ROBO2: variants seen among roughly 807,000 people sequenced by gnomAD.
The protein encoded by ROBO2 is roundabout homolog 2.
Under a neutral mutation model 160.8 loss-of-function variants are expected in ROBO2, and 53 were observed. That is an observed-to-expected ratio of 0.33 (90% CI 0.26 to 0.41). The LOEUF is 0.41. ROBO2 is among the 10% of genes least tolerant of loss of function. The probability of loss-of-function intolerance (pLI) is 1.00; values close to 1 mark genes in which losing one functional copy is unlikely to be tolerated. For synonymous variants in ROBO2, 664 were observed against 611.7 expected (o/e 1.09, Z -1.26); for missense variants, 1,577 against 1,722.4 (o/e 0.92, Z 1.49).
chr3:76,592,638 C>A (rs1483976798), intron 2 of ROBO2, among the ~76,000 whole-genome samples: 1 of 152,050 alleles, frequency 6.6e-6, no homozygotes, highest in African/African-American at 2.4e-5. Context: ...CAAATTACTA[C>A]CAAATTAGTG....
chr3:76,337,609 A>G (rs1358835403), intron 2 of ROBO2, among the ~76,000 whole-genome samples: 1 of 152,176 alleles, frequency 6.6e-6, no homozygotes, highest in Non-Finnish European at 1.5e-5. Flanking sequence ...CATAATTATG[A>G]CATGGAAGAA....
chr3:76,212,114 T>C (rs1301596371), intron 2 of ROBO2, among the ~76,000 whole-genome samples: 2 of 152,038 alleles, frequency 1.3e-5, no homozygotes, highest in Non-Finnish European at 1.5e-5. Flanking sequence ...ATGTATGTTC[T>C]TTAAGTAGGT....
chr3:76,176,758 A>G (rs2073248051), intron 2 of ROBO2, among the ~76,000 whole-genome samples: 1 of 152,072 alleles, frequency 6.6e-6, no homozygotes, highest in Non-Finnish European at 1.5e-5. Context: ...CTAAATAACA[A>G]TCAACAATAT....
intron 2 of ROBO2, among the ~76,000 whole-genome samples, chr3:75,966,300 A>G (rs932518521): frequency 6.6e-6 from 1 of 151,720 alleles, no homozygotes; most frequent in African/African-American, 2.4e-5. Flanking sequence ...TGCAAAAAGA[A>G]CATGAATGTG....
chr3:77,611,360 A>G (rs994608100), intron 21 of ROBO2, among the ~76,000 whole-genome samples: 6 of 152,036 alleles, frequency 3.9e-5, no homozygotes, highest in African/African-American at 7.2e-5. Flanking sequence ...TTTGAAGCCA[A>G]TTGTGAAGCC....
At chr3:76,587,087 G>A (rs1212960090) in intron 2 of ROBO2, among the ~76,000 whole-genome samples, 1 of 152,092 alleles carries the variant, frequency 6.6e-6, no homozygotes, top group East Asian at 1.9e-4. Context: ...AAGGAAGGGG[G>A]GTAGATAGAC....
At chr3:77,055,694 C>T (rs1559915565) in intron 1 of ROBO2, among the ~76,000 whole-genome samples, 1 of 152,020 alleles carries the variant, frequency 6.6e-6, no homozygotes. Flanking sequence ...GTAACAAAAC[C>T]ACATTTTTGA....
chr3:76,349,390 A>G (rs1353545849), intron 2 of ROBO2, among the ~76,000 whole-genome samples: 1 of 152,054 alleles, frequency 6.6e-6, no homozygotes, highest in East Asian at 1.9e-4. Flanking sequence ...CTTTACATAT[A>G]CTCATTTAGC....
chr3:76,030,999 G>A (rs901551634), intron 2 of ROBO2, among the ~76,000 whole-genome samples: 3 of 152,202 alleles, frequency 2.0e-5, no homozygotes, highest in African/African-American at 7.2e-5. Context: ...CTATTCGTGA[G>A]CATGGAATGT....
intron 2 of ROBO2, among the ~76,000 whole-genome samples, chr3:76,256,275 A>T (rs1225397482): frequency 7.0e-6 from 1 of 143,462 alleles, no homozygotes; most frequent in Non-Finnish European, 1.5e-5. Flanking sequence ...GTGCCACTGC[A>T]CTGCAGCCTG....
chr3:77,611,793 C>A (rs1480670370), intron 21 of ROBO2, among the ~76,000 whole-genome samples: 1 of 152,090 alleles, frequency 6.6e-6, no homozygotes, highest in African/African-American at 2.4e-5. Context: ...ACAATGATGG[C>A]AATGTTTTCT....
At chr3:76,453,015 TG>T (rs1456145132) in intron 2 of ROBO2, among the ~76,000 whole-genome samples, 1 of 152,164 alleles carries the variant, frequency 6.6e-6, no homozygotes, top group Admixed American at 6.5e-5. Flanking sequence ...CACTTTTTGA[TG>T]GGGTTGTTTG....
chr3:75,962,106 T>C (rs1242974347), intron 2 of ROBO2, among the ~76,000 whole-genome samples: 1 of 151,532 alleles, frequency 6.6e-6, no homozygotes, highest in African/African-American at 2.4e-5. Context: ...TGACTTTGAG[T>C]CTCAAAATTA....
intron 2 of ROBO2, among the ~76,000 whole-genome samples, chr3:76,437,821 A>G (rs1415504394): frequency 6.6e-6 from 1 of 152,118 alleles, no homozygotes; most frequent in Non-Finnish European, 1.5e-5. Context: ...CCCTTTTTCC[A>G]TGTCATTAGC....
At chr3:77,193,538 T>A (rs930751572) in intron 2 of ROBO2, among the ~76,000 whole-genome samples, 1 of 151,758 alleles carries the variant, frequency 6.6e-6, no homozygotes, top group Non-Finnish European at 1.5e-5. Flanking sequence ...AACAGATAAC[T>A]TTTGATGAAT....
intron 17 of ROBO2, among the ~76,000 whole-genome samples, chr3:77,590,466 G>A (rs2094153203): frequency 6.6e-6 from 1 of 152,090 alleles, no homozygotes; most frequent in Non-Finnish European, 1.5e-5. Context: ...CATCGCTGAA[G>A]GTATTGCCCA....
At chr3:76,396,171 T>C (rs998187263) in intron 2 of ROBO2, among the ~76,000 whole-genome samples, 5 of 151,944 alleles carry the variant, frequency 3.3e-5, no homozygotes, top group African/African-American at 9.7e-5. Context: ...GTTCAATATA[T>C]GCAAATCAAT....
chr3:76,567,593 G>A (rs2084607727), intron 2 of ROBO2, among the ~76,000 whole-genome samples: 1 of 107,972 alleles, frequency 9.3e-6, no homozygotes, highest in Non-Finnish European at 1.8e-5. Context: ...TTCACATTAG[G>A]CTATATTTAT....
At chr3:77,126,637 C>G (rs1462896145) in intron 2 of ROBO2, among the ~76,000 whole-genome samples, 1 of 151,388 alleles carries the variant, frequency 6.6e-6, no homozygotes, top group Non-Finnish European at 1.5e-5. Flanking sequence ...CATTAGTACC[C>G]AAGGGAACTC....
Sources: allele counts gnomAD v4.1 joint callset (sites outside exome capture counted in the v4.1 genomes callset), GRCh38; gene constraint gnomAD v4.1.1; transcripts MANE v1.5; gene names NCBI Gene and HGNC (gene_info 2026-07-23, HGNC 2026-07-21).